Variants in HTR1E observed in about 807,000 individuals in gnomAD.
The protein encoded by HTR1E is 5-hydroxytryptamine receptor 1E.
A neutral mutation model predicts 3.4 loss-of-function variants in HTR1E; 3 were observed. That is an observed-to-expected ratio of 0.89 (90% CI 0.41 to 2.31). HTR1E has a LOEUF of 2.31. HTR1E is among the 30% of genes most tolerant of loss of function. The pLI, the probability that HTR1E is intolerant of heterozygous loss-of-function variation, is 0.05. For missense variants in HTR1E, 392 were observed against 467.0 expected (o/e 0.84, Z 1.48); for synonymous variants, 170 against 182.8 (o/e 0.93, Z 0.56).
intron 1 of HTR1E, among the ~76,000 whole-genome samples, chr6:87,014,136 G>C (rs991186587): frequency 1.2e-4 from 18 of 152,010 alleles, no homozygotes; most frequent in African/African-American, 4.4e-4. Context: ...GGGAGTGATA[G>C]CATTAGGAGA....
At chr6:86,976,466 T>G (rs181920550) in intron 1 of HTR1E, among the ~76,000 whole-genome samples, 1 of 152,330 alleles carries the variant, frequency 6.6e-6, no homozygotes, top group East Asian at 1.9e-4. Context: ...TCATACACTT[T>G]TTGAGAACCA....
chr6:86,950,800 C>A (rs988258852), intron 1 of HTR1E, among the ~76,000 whole-genome samples: 1 of 152,144 alleles, frequency 6.6e-6, no homozygotes, highest in East Asian at 1.9e-4. Flanking sequence ...ATAAAAAGTG[C>A]CTTTGGGGGT....
At chr6:86,986,485 A>G (rs1430186734) in intron 1 of HTR1E, among the ~76,000 whole-genome samples, 2 of 152,160 alleles carry the variant, frequency 1.3e-5, no homozygotes, top group Non-Finnish European at 2.9e-5. Context: ...AAAATAAAAT[A>G]TCTTAGTTCT....
At chr6:86,973,433 A>G (rs1395584306) in intron 1 of HTR1E, among the ~76,000 whole-genome samples, 1 of 151,962 alleles carries the variant, frequency 6.6e-6, no homozygotes, top group Non-Finnish European at 1.5e-5. Flanking sequence ...TGTGCTGATT[A>G]CAGCTATACC....
chr6:86,986,881 A>G (rs1767796644), intron 1 of HTR1E, among the ~76,000 whole-genome samples: 1 of 152,162 alleles, frequency 6.6e-6, no homozygotes, highest in South Asian at 2.1e-4. Context: ...ACGGGGGGTA[A>G]GAAGAAACAT....
At chr6:87,010,081 C>T (rs567963867) in intron 1 of HTR1E, among the ~76,000 whole-genome samples, 61 of 134,918 alleles carry the variant, frequency 4.5e-4, no homozygotes, top group Middle Eastern at 8.8e-3. Flanking sequence ...ACCTCCCTCC[C>T]GGACGGGGTG....
At chr6:86,946,264 TC>T (rs1768615617) in intron 1 of HTR1E, among the ~76,000 whole-genome samples, 1 of 152,180 alleles carries the variant, frequency 6.6e-6, no homozygotes, top group Non-Finnish European at 1.5e-5. Context: ...CATGATAAGT[TC>T]CCTACACAAG....
chr6:87,011,145 T>G (rs1353627869), intron 1 of HTR1E, among the ~76,000 whole-genome samples: 1 of 152,238 alleles, frequency 6.6e-6, no homozygotes, highest in Non-Finnish European at 1.5e-5. Flanking sequence ...GTAAAGCAAT[T>G]GCAGCCCAGA....
intron 1 of HTR1E, among the ~76,000 whole-genome samples, chr6:86,975,166 GTTA>G (rs1345403815): frequency 1.3e-5 from 2 of 152,152 alleles, no homozygotes; most frequent in Non-Finnish European, 2.9e-5. Context: ...TACATCAATA[GTTA>G]TTATCTACCT....
At chr6:86,947,415 AAAAC>A (rs1768631714) in intron 1 of HTR1E, among the ~76,000 whole-genome samples, 1 of 152,170 alleles carries the variant, frequency 6.6e-6, no homozygotes, top group African/African-American at 2.4e-5. Context: ...TGGCAGATAC[AAAAC>A]AAGTAAAGTT....
At chr6:87,009,140 T>C (rs955460959) in intron 1 of HTR1E, among the ~76,000 whole-genome samples, 6 of 150,712 alleles carry the variant, frequency 4.0e-5, no homozygotes, top group South Asian at 2.1e-4. Flanking sequence ...GGGACAATAG[T>C]GGAGGGAAGG....
At chr6:86,974,998 A>G (rs73753632) in intron 1 of HTR1E, among the ~76,000 whole-genome samples, 9,878 of 152,106 alleles carry the variant, frequency 0.065, 435 homozygotes, top group East Asian at 0.12. Flanking sequence ...TTCTACAAGG[A>G]CTCCTGGTTC....
intron 1 of HTR1E, among the ~76,000 whole-genome samples, chr6:87,014,180 A>G (rs1367299464): frequency 6.6e-6 from 1 of 151,856 alleles, no homozygotes; most frequent in East Asian, 1.9e-4. Flanking sequence ...TAAAGGATGC[A>G]GCAAACCAAC....
At chr6:86,989,892 T>TGA (rs1767849298) in intron 1 of HTR1E, among the ~76,000 whole-genome samples, 1 of 151,918 alleles carries the variant, frequency 6.6e-6, no homozygotes. Context: ...CAACCTACAG[T>TGA]AAGTTGAGCC....
At chr6:86,982,099 C>T (rs1394495161) in intron 1 of HTR1E, among the ~76,000 whole-genome samples, 2 of 152,224 alleles carry the variant, frequency 1.3e-5, no homozygotes, top group Non-Finnish European at 2.9e-5. Flanking sequence ...TCTCCAGCTC[C>T]ATAGCAGGGC....
At chr6:86,986,134 G>T (rs989176220) in intron 1 of HTR1E, among the ~76,000 whole-genome samples, 1 of 152,058 alleles carries the variant, frequency 6.6e-6, no homozygotes, top group Non-Finnish European at 1.5e-5. Flanking sequence ...TGGAGAATTG[G>T]CAAAACTATT....
Position 86,937,621 on chromosome 6 carries a change from G to A in HTR1E, c.-388G>A, listed in dbSNP as rs148078229. The A allele has an allele frequency of 8.2e-3, 1,255 of 152,940 alleles. 22 individuals are homozygous for A. Among genetic ancestry groups the A allele is most frequent in the Non-Finnish European group, 7.5e-3 (511 of 68,174 alleles). The allele number at this position is 152,940 out of a possible 1,614,324, so 9.5% of individuals were successfully genotyped here. A position where few individuals can be genotyped will look rare whatever the true frequency, so the allele number is the denominator to read the frequency against. On this transcript the variant is annotated 5_prime_UTR_variant, in exon 1 of 2. Coordinates refer to ENST00000305344, the MANE Select transcript of HTR1E (RefSeq NM_000865.3). ...CCGCGCTCCCAGGTTCTGTCTCGCC[G>A]CACCCCGGCGGGCACTGGCGCGGGC...
chr6:87,006,226 T>A (rs997182090), intron 1 of HTR1E, among the ~76,000 whole-genome samples: 1 of 152,210 alleles, frequency 6.6e-6, no homozygotes, highest in African/African-American at 2.4e-5. Flanking sequence ...ATCCCTCTGC[T>A]AAGTATATAC....
chr6:86,962,835 C>A (rs1767427915), intron 1 of HTR1E, among the ~76,000 whole-genome samples: 1 of 152,010 alleles, frequency 6.6e-6, no homozygotes, highest in South Asian at 2.1e-4. Context: ...GAGACCCTGT[C>A]TCCAAAAATA....
Sources: gnomAD v4.1 joint callset for allele counts (sites outside exome capture counted in the v4.1 genomes callset) on GRCh38, gnomAD v4.1.1 for gene constraint, MANE v1.5 for transcripts, NCBI Gene and HGNC (gene_info 2026-07-23, HGNC 2026-07-21) for gene names.